WAS: variants seen among roughly 807,000 people sequenced by gnomAD.
The protein encoded by WAS is actin nucleation-promoting factor WAS.
A neutral mutation model predicts 38.9 loss-of-function variants in WAS; 1 was observed. The observed-to-expected ratio is 0.03, with a 90% CI of 0.01 to 0.12. The LOEUF (loss-of-function observed/expected upper bound fraction) is 0.12. Ranked by LOEUF, WAS falls within the 10% of genes least tolerant of loss-of-function variation. WAS has a pLI of 1.00. For missense variants in WAS, 311 were observed against 431.2 expected (o/e 0.72, Z 2.47); for synonymous variants, 182 against 173.6 (o/e 1.05, Z -0.38).
chrX:48,685,823 G>A lies in WAS; in HGVS notation c.450G>A (p.Gln150=). The change falls in exon 4 of 12, where the codon CAG becomes CAA. Residue 150 remains glutamine, a synonymous_variant. Transcript: ENST00000376701. ...AGGAGAAGATACAAAAAAGGAATCA[G>A]AGGCAAAGTGGAGGTGAGGAGGCCA... ...LVQEKIQKRN[Q]RQSGDRRQLP... 1.7e-6 allele frequency: 2 copies of A among 1,197,305 alleles called. No individual in the cohort carries two copies. Among genetic ancestry groups the A allele is most frequent in the Non-Finnish European group, 2.3e-6 (2 of 887,975 alleles).
chrX:48,687,903 C>G, intron 7 of WAS, 151 bp from the exon 8 acceptor site: 1 of 598,303 alleles, frequency 1.7e-6, no homozygotes, highest in Non-Finnish European at 2.8e-6. Context: ...AATTCCATAA[C>G]TCCTGCCTAT....
chrX:48,685,685 G>A, intron 3 of WAS, 49 bp from the exon 4 acceptor site: 3 of 1,171,227 alleles, frequency 2.6e-6, no homozygotes, highest in Non-Finnish European at 3.4e-6. Context: ...AGAGGAGATG[G>A]GAAAGTTGCG....
upstream of WAS, among the ~76,000 whole-genome samples, chrX:48,681,682 G>T (rs369966589): frequency 8.9e-6 from 1 of 112,503 alleles, no homozygotes; most frequent in Non-Finnish European, 1.9e-5. Flanking sequence ...CAATGAACAC[G>T]TGCAATGGCC....
rs1257775061 is a variant in WAS at position 48,688,857 on chromosome X, C to T, written c.1129C>T (p.Arg377Cys). ...PPPPPPPATG[R>C]SGPLPPPPPG... is the part of the protein sequence containing the mutation. ...ACCACCACCCCCTCCAGCTACTGGACGTTCTGGACCACTGCCCCCTCCACC... is the reference window on the plus strand; with the variant it reads ...ACCACCACCCCCTCCAGCTACTGGATGTTCTGGACCACTGCCCCCTCCACC... Residue 377 changes from arginine to cysteine, a missense_variant, in exon 10 of 12, where the codon CGT becomes TGT. Physicochemically the swap from Arg to Cys is radical, Grantham distance 180 (BLOSUM62 -3). Coordinates refer to ENST00000376701, the MANE Select transcript of WAS (RefSeq NM_000377.3). The T allele has an allele frequency of 8.7e-6, 10 of 1,154,621 alleles. No homozygotes were observed. The highest frequency in any genetic ancestry group is 3.9e-5 in the South Asian group (2 of 51,088).
chrX:48,680,247 A>G (rs896343077), upstream of WAS, among the ~76,000 whole-genome samples: 3 of 111,708 alleles, frequency 2.7e-5, no homozygotes, highest in Non-Finnish European at 5.6e-5. Flanking sequence ...CTCCTGAAGA[A>G]GTTACAGAAG....
At chrX:48,679,251 TG>T (rs1557005507), upstream of WAS, among the ~76,000 whole-genome samples, 2 of 111,091 alleles carry the variant, frequency 1.8e-5, no homozygotes, top group African/African-American at 6.5e-5. Context: ...CTCAAACTCC[TG>T]GGCTCAAGCG....
chrX:48,689,004 G>T lies in WAS; in HGVS notation c.1276G>T (p.Ala426Ser), dbSNP rs201085962. ...TGCTCTGGTGCCTGCCGGGGGCCTG[G>T]CCCCTGGTGGGGGTCGGGGAGCGCT... is the stretch of plus-strand genomic sequence containing the variant. ...PPALVPAGGL[A>S]PGGGRGALLD... Residue 426 changes from alanine to serine, a missense_variant, in exon 10 of 12, where the codon GCC becomes TCC. Ala to Ser is a moderately conservative substitution (Grantham distance 99). This residue lies in a region of WAS where 142 missense variants were observed against 157.6 expected (regional missense o/e 0.90). Transcript: ENST00000376701. The T allele has an allele frequency of 2.8e-4, 342 of 1,200,701 alleles. 3 individuals are homozygous for T. The African/African-American group carries it at 5.7e-3, about 20-fold the overall frequency.
chrX:48,685,142 A>G (rs782166068), intron 2 of WAS, among the ~76,000 whole-genome samples: 31 of 110,900 alleles, frequency 2.8e-4, no homozygotes, highest in African/African-American at 9.8e-4. Flanking sequence ...CGAAACTCCC[A>G]AGTCTATGTG....
At chrX:48,690,049 ATTG>A (rs1272083991) in intron 11 of WAS, among the ~76,000 whole-genome samples, 18 of 111,491 alleles carry the variant, frequency 1.6e-4, no homozygotes, top group African/African-American at 5.9e-4. Context: ...GAAGAACACT[ATTG>A]TTGACAATAT....
rs938467045 is a variant in WAS at position 48,686,916 on chromosome X, A to T, written c.695A>T (p.Lys232Met). 1 of 1,210,269 alleles carries T rather than the reference A, an allele frequency of 8.3e-7. No individual in the cohort carries two copies. The highest frequency in any genetic ancestry group is 1.1e-6 in the Non-Finnish European group (1 of 894,744). Residue 232 changes from lysine (K) to methionine (M), a missense_variant, in exon 7 of 12, where the codon AAG becomes ATG. Physicochemically the swap from Lys to Met is moderately conservative, Grantham distance 95. Coordinates refer to ENST00000376701, the MANE Select transcript of WAS (RefSeq NM_000377.3). ...GATAAGAAACGCTCAGGGAAGAAGA[A>T]GATCAGCAAAGCTGATATTGGTGCA... ...PADKKRSGKKKISKADIGAPS... is the reference protein window; with the variant it reads ...PADKKRSGKKMISKADIGAPS...
chrX:48,689,177 G>A (rs782498750), intron 10 of WAS, 111 bp downstream of exon 10: 76 of 977,201 alleles, frequency 7.8e-5, no homozygotes, highest in Non-Finnish European at 1.1e-4. Context: ...AGGCCTTAGG[G>A]ATTCAGTGAT....
At chrX:48,685,654 C>T (rs782060209) in intron 3 of WAS, 21 bp downstream of exon 3, 1 of 1,182,514 alleles carries the variant, frequency 8.5e-7, no homozygotes, top group Non-Finnish European at 1.1e-6. Flanking sequence ...AACCAGCCCT[C>T]GGGCCTCACT....
Position 48,689,394 on chromosome X carries a change from G to A in WAS, c.1413G>A (p.Met471Ile). The A allele has an allele frequency of 8.3e-7, 1 of 1,209,835 alleles. No homozygotes were observed. The highest frequency in any genetic ancestry group is 1.8e-5 in the South Asian group (1 of 56,480). ...QSSEGLVGAL[M>I]HVMQKRSRAI... is the part of the protein sequence containing the mutation. ...CAGAGGGACTGGTGGGGGCCCTGATGCACGTGATGCAGAAGAGAAGCAGAG... is the reference window on the plus strand; with the variant it reads ...CAGAGGGACTGGTGGGGGCCCTGATACACGTGATGCAGAAGAGAAGCAGAG... Residue 471 changes from methionine to isoleucine, a missense_variant, in exon 11 of 12, where the codon ATG becomes ATA. By Grantham distance (10) the Met-to-Ile change is conservative. Coordinates refer to ENST00000376701, the MANE Select transcript of WAS (RefSeq NM_000377.3).
chrX:48,686,575 A>G (rs1557006756), intron 6 of WAS, among the ~76,000 whole-genome samples: 3 of 112,456 alleles, frequency 2.7e-5, no homozygotes, highest in Non-Finnish European at 3.8e-5. Context: ...GCATGAGGGA[A>G]TGAAAACATG....
intron 8 of WAS, 101 bp downstream of exon 8, chrX:48,688,197 C>T: frequency 8.7e-7 from 1 of 1,149,182 alleles, no homozygotes; most frequent in Non-Finnish European, 1.2e-6. Context: ...TTCCCACACC[C>T]CTCTCAGATC....
At chrX:48,680,011 C>G (rs782147462), upstream of WAS, among the ~76,000 whole-genome samples, 14 of 111,612 alleles carry the variant, frequency 1.3e-4, no homozygotes, top group East Asian at 4.0e-3. Context: ...TGAGGAGACC[C>G]TCGACCCAAA....
At chrX:48,690,886 T>G (rs905436003) in intron 11 of WAS, among the ~76,000 whole-genome samples, 1 of 111,729 alleles carries the variant, frequency 9.0e-6, no homozygotes. Flanking sequence ...AACCCTTTGT[T>G]TGACAATATC....
intron 10 of WAS, 79 bp downstream of exon 10, chrX:48,689,145 G>A (rs2062431711): frequency 9.3e-7 from 1 of 1,071,721 alleles, no homozygotes; most frequent in South Asian, 1.9e-5. Flanking sequence ...GGGGGGCTGA[G>A]GCCAGGACTG....
chrX:48,681,198 C>T (rs1376659684), upstream of WAS, among the ~76,000 whole-genome samples: 1 of 111,187 alleles, frequency 9.0e-6, no homozygotes, highest in African/African-American at 3.3e-5. Flanking sequence ...GAGATGGAGT[C>T]TTGCTCTTGT....
Sources: allele counts gnomAD v4.1 joint callset (sites outside exome capture counted in the v4.1 genomes callset), GRCh38; gene constraint gnomAD v4.1.1; regional missense constraint gnomAD v4.1.1; transcripts MANE v1.5; gene names NCBI Gene and HGNC (gene_info 2026-07-23, HGNC 2026-07-21).